The following ZNF106 variants were observed in gnomAD, a reference collection of about 807,000 sequenced individuals.
ZNF106 encodes the protein SH3-domain binding protein 3.
Under a neutral mutation model 195.1 loss-of-function variants are expected in ZNF106, and 67 were observed. The ratio of observed to expected loss-of-function variants is 0.34; its 90% confidence interval spans 0.28 to 0.42. The LOEUF (loss-of-function observed/expected upper bound fraction) is 0.42. Ranked by LOEUF, ZNF106 falls within the 10% of genes least tolerant of loss-of-function variation. The probability of loss-of-function intolerance (pLI) is 1.00; values close to 1 mark genes in which losing one functional copy is unlikely to be tolerated. For missense variants in ZNF106, 2,118 were observed against 2,304.5 expected (o/e 0.92, Z 1.66); for synonymous variants, 784 against 818.6 (o/e 0.96, Z 0.72).
rs1314760144 is a variant in ZNF106 at position 42,433,475 on chromosome 15, C to CT, written c.4881+1908dup. ...CTAAGCTCAATTTCTTTGCATTGTT[C>CT]TTTTTTTTTTCTTTTCTTTTTTTTT... On this transcript the variant is annotated intron_variant, in intron 14 of 21. Coordinates refer to ENST00000564754, the MANE Select transcript of ZNF106 (RefSeq NM_001366845.3). Among the ~76,000 whole-genome samples, 555 of 123,170 alleles carry CT rather than the reference C, an allele frequency of 4.5e-3. 2 individuals carry two copies. The highest frequency in any genetic ancestry group is 0.015 in the African/African-American group (416 of 27,158). 80.8% of individuals were successfully genotyped at this position (123,170 alleles called of 152,430 possible). A position where few individuals can be genotyped will look rare whatever the true frequency, so the allele number is the denominator to read the frequency against.
intron 3 of ZNF106, among the ~76,000 whole-genome samples, chr15:42,462,026 C>G (rs1443632353): frequency 1.3e-5 from 2 of 152,156 alleles, no homozygotes; most frequent in African/African-American, 4.8e-5. Context: ...AGGTCAGGAA[C>G]ACTATATCCA....
chr15:42,486,756 C>T (rs1242965683), intron 1 of ZNF106, among the ~76,000 whole-genome samples: 1 of 151,984 alleles, frequency 6.6e-6, no homozygotes, highest in Non-Finnish European at 1.5e-5. Flanking sequence ...GTCACAGTTT[C>T]CAAGATCCTA....
chr15:42,460,092 T>C (rs980196426), intron 3 of ZNF106, among the ~76,000 whole-genome samples: 3 of 151,606 alleles, frequency 2.0e-5, no homozygotes, highest in African/African-American at 7.3e-5. Flanking sequence ...TCTAAAACTA[T>C]GGAAAATATC....
At chr15:42,446,529 AC>A in intron 7 of ZNF106, 59 bp downstream of exon 7, 2 of 1,383,254 alleles carry the variant, frequency 1.4e-6, no homozygotes, top group African/African-American at 1.4e-5. Flanking sequence ...AAAAACCCGC[AC>A]CCCCCAAAAA....
At chr15:42,443,277 C>T (rs1223818242) in intron 9 of ZNF106, among the ~76,000 whole-genome samples, 2 of 152,098 alleles carry the variant, frequency 1.3e-5, no homozygotes, top group Admixed American at 6.6e-5. Flanking sequence ...AAACTCTTTC[C>T]ATAACATATT....
intron 20 of ZNF106, among the ~76,000 whole-genome samples, chr15:42,419,319 A>T (rs923623891): frequency 2.5e-4 from 38 of 152,048 alleles, no homozygotes; most frequent in African/African-American, 7.5e-4. Flanking sequence ...GTGAGCCAAG[A>T]TCGCACTCCA....
At chr15:42,438,133 T>C (rs1287139052) in intron 12 of ZNF106, among the ~76,000 whole-genome samples, 1 of 152,040 alleles carries the variant, frequency 6.6e-6, no homozygotes, top group East Asian at 1.9e-4. Context: ...ACGCCTGTAG[T>C]CCCAGCACTT....
intron 1 of ZNF106, among the ~76,000 whole-genome samples, chr15:42,482,400 T>C (rs1233166124): frequency 6.6e-6 from 1 of 152,174 alleles, no homozygotes; most frequent in Non-Finnish European, 1.5e-5. Flanking sequence ...ACAGCAACTC[T>C]GGAGTCCTTT....
chr15:42,436,518 C>T (rs1465511885), intron 13 of ZNF106, among the ~76,000 whole-genome samples: 1 of 152,196 alleles, frequency 6.6e-6, no homozygotes, highest in East Asian at 1.9e-4. Context: ...TTAATTTTCA[C>T]TGACTCTAGC....
At chr15:42,474,610 G>A (rs1266053794) in intron 1 of ZNF106, among the ~76,000 whole-genome samples, 1 of 152,080 alleles carries the variant, frequency 6.6e-6, no homozygotes, top group Non-Finnish European at 1.5e-5. Flanking sequence ...AATTAGCTGG[G>A]TACTATGGCT....
chr15:42,435,494 C>G lies in ZNF106; in HGVS notation c.4771G>C (p.Glu1591Gln). Residue 1591 changes from glutamate (E) to glutamine (Q), a missense_variant, in exon 14 of 22, where the codon GAG (glutamate) becomes CAG (glutamine). Transcript: ENST00000564754. ...LVSRKCIGVF[E>Q]GHTSKVNCLL... ...CAGTTAACTTTGGAGGTATGACCCT[C>G]AAAGACACCAATACATTTCCGACTC... 1 of 1,614,144 alleles carries G rather than the reference C, an allele frequency of 6.2e-7. No individual in the cohort carries two copies. Among genetic ancestry groups the G allele is most frequent in the Non-Finnish European group, 8.5e-7 (1 of 1,180,020 alleles).
chr15:42,480,502 A>C (rs2056876961), intron 1 of ZNF106, among the ~76,000 whole-genome samples: 1 of 152,192 alleles, frequency 6.6e-6, no homozygotes, highest in Admixed American at 6.5e-5. Context: ...TAGATCTACT[A>C]TTTTATTATT....
intron 14 of ZNF106, among the ~76,000 whole-genome samples, chr15:42,429,613 G>T (rs960429521): frequency 2.6e-5 from 4 of 151,870 alleles, no homozygotes; most frequent in African/African-American, 9.7e-5. Context: ...ATACCTAAAA[G>T]AGTCAGTCAC....
At chr15:42,447,160 A>G (rs918827128) in intron 6 of ZNF106, among the ~76,000 whole-genome samples, 1 of 152,252 alleles carries the variant, frequency 6.6e-6, no homozygotes, top group African/African-American at 2.4e-5. Flanking sequence ...AAGGAGCAGA[A>G]TTGCAATTTG....
At position 42,491,140 on chromosome 15, in the gene ZNF106, C is replaced by T. The variant is rs1210110525; in HGVS notation, c.-193G>A. 6.6e-6 allele frequency: 1 copy of T among 152,430 alleles called. No individual in the cohort carries two copies. The highest frequency in any genetic ancestry group is 1.5e-5 in the Non-Finnish European group (1 of 68,180). 9.4% of individuals were successfully genotyped at this position (152,430 alleles called of 1,614,324 possible). A position where few individuals can be genotyped will look rare whatever the true frequency, so the allele number is the denominator to read the frequency against. ...GCCGCCGCCAACGCGCAGGCGCACA[C>T]CGAAGCCGTCACGCTCGCTTTTTTT... On this transcript the variant is annotated 5_prime_UTR_variant, in exon 1 of 22. In the 5' UTR this introduces an upstream ATG that the reference lacks. Transcript: ENST00000564754.
chr15:42,433,632 G>A (rs1192632594), intron 14 of ZNF106, among the ~76,000 whole-genome samples: 9 of 150,876 alleles, frequency 6.0e-5, no homozygotes, highest in African/African-American at 1.2e-4. Context: ...ACAGGTGTGC[G>A]TCACCACACC....
rs956683659 is a variant in ZNF106, at chr15:42,428,202, C to T, written c.4882-68G>A. ...AAATGAGATGTCAAAAACAATTCCT[C>T]CAGAAAGCAGACTTTAAAATGACTC... is the stretch of plus-strand genomic sequence containing the variant. On this transcript the variant is annotated intron_variant, in intron 14 of 21. Coordinates refer to ENST00000564754, the MANE Select transcript of ZNF106 (RefSeq NM_001366845.3). The T allele has an allele frequency of 6.7e-6, 9 of 1,336,966 alleles. No homozygotes were observed. In the Admixed American group the frequency reaches 1.3e-4, roughly 19 times the overall value. The allele number at this position is 1,336,966 out of a possible 1,614,324, so 82.8% of individuals were successfully genotyped here.
In ZNF106 at chr15:42,439,251, A is replaced by G. The variant is rs761154898; in HGVS notation, c.4326T>C (p.Ser1442=). 8.7e-6 allele frequency: 14 copies of G among 1,614,162 alleles called. No homozygotes were observed. Among genetic ancestry groups the G allele is most frequent in the Non-Finnish European group, 1.2e-5 (14 of 1,180,032 alleles). Residue 1442 remains serine (S), a synonymous_variant, in exon 11 of 22, where the codon AGT becomes AGC. Coordinates refer to ENST00000564754, the MANE Select transcript of ZNF106 (RefSeq NM_001366845.3). ...TTTCTAGGACTTCCAGAGACGAGTC[A>G]CTATCTGGCTCATCTCTGACACTCT... ...EQESVRDEPD[S]DSSLEVLEIP...
rs2055393967 is a variant in ZNF106 at position 42,439,039 on chromosome 15, G to A, written c.4538C>T (p.Pro1513Leu). Residue 1513 changes from proline (P) to leucine (L), a missense_variant, in exon 11 of 22, where the codon CCT becomes CTT. By Grantham distance (98) the Pro-to-Leu change is moderately conservative. Coordinates refer to ENST00000564754, the MANE Select transcript of ZNF106 (RefSeq NM_001366845.3). ...EIGTRYKDGI[P>L]VSVAETQTVI... The stretch of plus-strand genomic sequence containing the variant: ...ACCAATACAATATTCTTACCTTACA[G>A]GGATGCCATCTTTATAGCGAGTGCC... The A allele has an allele frequency of 6.2e-7, 1 of 1,612,110 alleles. No individual in the cohort carries two copies.
Sources: allele counts gnomAD v4.1 joint callset (sites outside exome capture counted in the v4.1 genomes callset), GRCh38; gene constraint gnomAD v4.1.1; transcripts MANE v1.5; gene names NCBI Gene and HGNC (gene_info 2026-07-23, HGNC 2026-07-21).